Variants in SHBG observed in about 807,000 individuals in gnomAD.
SHBG encodes the protein sex hormone binding globulin.
A neutral mutation model predicts 41.9 loss-of-function variants in SHBG; 37 were observed. That is an observed-to-expected ratio of 0.88 (90% CI 0.68 to 1.16). SHBG has a LOEUF of 1.16. SHBG is among the 50% of genes most tolerant of loss of function. SHBG has a pLI of 0.00. For synonymous variants in SHBG, 217 were observed against 205.8 expected, an observed-to-expected ratio of 1.05 and a Z score of -0.47; for missense variants, 466 against 499.9, an observed-to-expected ratio of 0.93 and a Z score of 0.65.
chr17:7,614,198 G>A, intron 1 of SHBG: 4 of 676,550 alleles, frequency 5.9e-6, no homozygotes, highest in South Asian at 4.5e-5. Context: ...CCAAGCCAGG[G>A]ACAATAATGG....
intron 1 of SHBG, among the ~76,000 whole-genome samples, chr17:7,615,426 C>T (rs1265892204): frequency 1.3e-5 from 2 of 152,202 alleles, no homozygotes; most frequent in African/African-American, 4.8e-5. Flanking sequence ...GCGTATGCAT[C>T]GCCGATATTT....
At chr17:7,621,965 T>C (rs2072105659) in intron 1 of SHBG, among the ~76,000 whole-genome samples, 1 of 151,066 alleles carries the variant, frequency 6.6e-6, no homozygotes, top group South Asian at 2.1e-4. Context: ...GCCTCCCAAG[T>C]AGCTGGAATT....
Position 7,631,260 on chromosome 17 carries a change from C to T in SHBG, c.454C>T (p.Arg152Cys), listed in dbSNP as rs373769356. The change falls in exon 4 of 8, where the codon CGC becomes TGC. Residue 152 changes from arginine to cysteine, a missense_variant. Transcript: ENST00000380450. ...GGAGGTGGATGGGGAGGAGGTGCTGCGCCTGAGACAGGTCTCTGGGCCCCT... is the reference window on the plus strand; with the variant it reads ...GGAGGTGGATGGGGAGGAGGTGCTGTGCCTGAGACAGGTCTCTGGGCCCCT... ...LLEVDGEEVL[R>C]LRQVSGPLTS... is the part of the protein sequence containing the mutation. 6.8e-6 allele frequency: 11 copies of T among 1,609,746 alleles called. No homozygotes were observed. Among genetic ancestry groups the T allele is most frequent in the Middle Eastern group, 1.7e-4 (1 of 6,048 alleles).
chr17:7,619,167 G>A (rs973634081), intron 1 of SHBG, among the ~76,000 whole-genome samples: 9 of 151,948 alleles, frequency 5.9e-5, no homozygotes, highest in African/African-American at 9.6e-5. Flanking sequence ...GAGGTGGGCA[G>A]ATCACCTGAG....
chr17:7,632,511 T>C (rs1338530745), intron 6 of SHBG, among the ~76,000 whole-genome samples: 6 of 152,126 alleles, frequency 3.9e-5, no homozygotes, highest in Admixed American at 3.9e-4. Flanking sequence ...GGACATATCT[T>C]GAAGCTCCCC....
In SHBG at chr17:7,631,215, G is replaced by T. The variant is rs939006025; in HGVS notation, c.409G>T (p.Glu137Ter). 2 of 1,575,788 alleles carry T rather than the reference G, an allele frequency of 1.3e-6. No homozygotes were observed. The highest frequency in any genetic ancestry group is 3.7e-5 in the Admixed American group (2 of 53,496). Residue 137 changes from glutamate (E) to a stop codon, truncating the protein, a stop_gained, in exon 4 of 8, where the codon GAG becomes TAG. Coordinates refer to ENST00000380450, the MANE Select transcript of SHBG (RefSeq NM_001040.5). LOFTEE classifies it high-confidence loss of function. ...GRWHQVEVKMEGDSVLLEVDG... is the reference protein window; with the variant it reads ...GRWHQVEVKM ...CTTCCTGCAGGTGGAAGTCAAGATG[G>T]AGGGGGACTCTGTGCTGCTGGAGGT...
upstream of SHBG, among the ~76,000 whole-genome samples, chr17:7,624,729 G>A (rs1355209445): frequency 6.6e-6 from 1 of 151,930 alleles, no homozygotes; most frequent in Non-Finnish European, 1.5e-5. Context: ...TCGGCTCACT[G>A]CAACCTCCAC....
chr17:7,626,827 T>C, upstream of SHBG: 5 of 1,612,518 alleles, frequency 3.1e-6, no homozygotes, highest in Non-Finnish European at 4.2e-6. Context: ...AAAATAGCTA[T>C]TGTTTGAGCT....
chr17:7,627,336 G>T (rs1198352700), upstream of SHBG: 4 of 1,613,960 alleles, frequency 2.5e-6, no homozygotes, highest in East Asian at 4.5e-5. This position sits in a 1 kb window ranked among gnomAD's most constrained non-coding sequence, Gnocchi z 4.8. Flanking sequence ...CCCAGCCTCC[G>T]CCAGAACCTG....
At chr17:7,627,545 C>T, upstream of SHBG, 1 of 1,606,884 alleles carries the variant, frequency 6.2e-7, no homozygotes, top group Non-Finnish European at 8.5e-7. This position sits in a 1 kb window ranked among gnomAD's most constrained non-coding sequence, Gnocchi z 4.8. Flanking sequence ...CTCTGACCCC[C>T]GGGTTACCGG....
intron 1 of SHBG, among the ~76,000 whole-genome samples, chr17:7,621,059 G>T (rs1439393424): frequency 8.1e-6 from 1 of 122,912 alleles, no homozygotes; most frequent in East Asian, 2.5e-4. Flanking sequence ...TCGCACCACT[G>T]CACTTGGCCT....
At position 7,630,292 on chromosome 17, in the gene SHBG, G is replaced by A. The variant is rs1446713871; in HGVS notation, c.111+9G>A. ...CTGTTCTCCCCACCCAGGTGCAGGAGCGGGACAGGGCACTCAGCTCATGCA... is the reference window on the plus strand; with the variant it reads ...CTGTTCTCCCCACCCAGGTGCAGGAACGGGACAGGGCACTCAGCTCATGCA... On this transcript the variant is annotated intron_variant, in intron 1 of 7. Transcript: ENST00000380450. This position sits in a 1 kb window ranked among gnomAD's most constrained non-coding sequence, Gnocchi z 4.6. 6.2e-7 allele frequency: 1 copy of A among 1,606,792 alleles called. No homozygotes were observed. Among genetic ancestry groups the A allele is most frequent in the Non-Finnish European group, 8.5e-7 (1 of 1,175,276 alleles).
chr17:7,624,248 G>C (rs113037153), upstream of SHBG, among the ~76,000 whole-genome samples: 1 of 150,962 alleles, frequency 6.6e-6, no homozygotes, highest in South Asian at 2.1e-4. Flanking sequence ...ACCACGCCTG[G>C]CCATTTTCTT....
intron 3 of SHBG, 141 bp downstream of exon 3, chr17:7,631,010 C>A: frequency 1.0e-6 from 1 of 978,632 alleles, no homozygotes; most frequent in Non-Finnish European, 1.5e-6. Context: ...TATTCTTGGC[C>A]CCATCTTTTC....
At chr17:7,631,852 C>T in intron 5 of SHBG, 27 bp from the exon 6 acceptor site, 3 of 1,613,928 alleles carry the variant, frequency 1.9e-6, no homozygotes, top group South Asian at 1.1e-5. Flanking sequence ...AGCTTTGAGG[C>T]CTCAGGATAA....
At chr17:7,620,725 G>C (rs993658314) in intron 1 of SHBG, among the ~76,000 whole-genome samples, 2 of 151,744 alleles carry the variant, frequency 1.3e-5, no homozygotes, top group East Asian at 3.9e-4. Flanking sequence ...CTGCCTCCCA[G>C]GTACAAGTGA....
At chr17:7,621,553 A>G (rs1289459093) in intron 1 of SHBG, among the ~76,000 whole-genome samples, 2 of 115,770 alleles carry the variant, frequency 1.7e-5, no homozygotes, top group Non-Finnish European at 3.8e-5. Flanking sequence ...GTGAGCCAAG[A>G]TCATGCCACT....
chr17:7,627,451 G>A, upstream of SHBG: 1 of 1,613,032 alleles, frequency 6.2e-7, no homozygotes, highest in Non-Finnish European at 8.5e-7. The surrounding 1 kb of genome is among the most constrained non-coding windows in gnomAD (Gnocchi z 4.8). Flanking sequence ...TAGAGCAGAA[G>A]GGCCCCGCTG....
upstream of SHBG, chr17:7,626,478 C>G: frequency 6.2e-7 from 1 of 1,614,096 alleles, no homozygotes; most frequent in South Asian, 1.1e-5. Flanking sequence ...CGTTGCCTCT[C>G]CTTGAAAGCA....
Sources: allele counts gnomAD v4.1 joint callset (sites outside exome capture counted in the v4.1 genomes callset), GRCh38; gene constraint gnomAD v4.1.1; non-coding constraint Gnocchi (gnomAD v3.1); transcripts MANE v1.5; gene names NCBI Gene and HGNC (gene_info 2026-07-23, HGNC 2026-07-21).